The following SOX6 variants were observed in gnomAD, a reference collection of about 807,000 sequenced individuals.
SOX6 encodes SRY-box transcription factor 6, also known as transcription factor SOX-6.
A neutral mutation model predicts 97.8 loss-of-function variants in SOX6; 11 were observed. The observed-to-expected ratio is 0.11, with a 90% CI of 0.07 to 0.19. SOX6 has a LOEUF of 0.19. Ranked by LOEUF, SOX6 falls within the 10% of genes least tolerant of loss-of-function variation. The pLI is 1.00. For synonymous variants in SOX6, 360 were observed against 371.4 expected (o/e 0.97, Z 0.35); for missense variants, 810 against 1,039.5 (o/e 0.78, Z 3.04).
intron 3 of SOX6, among the ~76,000 whole-genome samples, chr11:16,246,935 G>A (rs954008925): frequency 2.0e-5 from 3 of 151,932 alleles, no homozygotes; most frequent in Non-Finnish European, 4.4e-5. Flanking sequence ...TATTCTTCTA[G>A]TTATTTTTAA....
intron 6 of SOX6, among the ~76,000 whole-genome samples, chr11:16,123,951 T>G (rs1441784628): frequency 6.6e-6 from 1 of 152,104 alleles, no homozygotes; most frequent in South Asian, 2.1e-4. Flanking sequence ...CATTGTACCA[T>G]GATGTTTCTC....
chr11:16,200,511 A>C (rs1851905551), intron 4 of SOX6, among the ~76,000 whole-genome samples: 1 of 152,216 alleles, frequency 6.6e-6, no homozygotes, highest in Non-Finnish European at 1.5e-5. Context: ...ACTTTCTAAA[A>C]ACAATGCATT....
intron 4 of SOX6, among the ~76,000 whole-genome samples, chr11:16,547,364 G>A (rs1010548252): frequency 6.6e-6 from 1 of 151,956 alleles, no homozygotes; most frequent in African/African-American, 2.4e-5. Flanking sequence ...ACCAACCTAG[G>A]TGTCCATCAA....
chr11:16,455,984 GCAA>G (rs1859803865), intron 1 of SOX6, among the ~76,000 whole-genome samples: 1 of 151,802 alleles, frequency 6.6e-6, no homozygotes, highest in African/African-American at 2.4e-5. Flanking sequence ...TAATGAATGG[GCAA>G]CTAAAAATAC....
intron 6 of SOX6, among the ~76,000 whole-genome samples, chr11:16,119,916 C>A (rs1219273463): frequency 2.0e-5 from 3 of 152,052 alleles, no homozygotes; most frequent in African/African-American, 7.2e-5. Context: ...ATACTAGAAT[C>A]CTAGCAAGAG....
chr11:16,250,353 G>A (rs1402322825), intron 3 of SOX6, among the ~76,000 whole-genome samples: 2 of 152,012 alleles, frequency 1.3e-5, no homozygotes, highest in Admixed American at 1.3e-4. Flanking sequence ...ATGAAAATAG[G>A]AAACCATAAG....
chr11:16,161,706 A>AT (rs1850754797), intron 6 of SOX6, among the ~76,000 whole-genome samples: 1 of 151,850 alleles, frequency 6.6e-6, no homozygotes, highest in South Asian at 2.1e-4. Context: ...AAGTTTTCTC[A>AT]TTTTTCTTTT....
At chr11:16,439,803 A>T (rs1859467792) in intron 1 of SOX6, among the ~76,000 whole-genome samples, 1 of 152,216 alleles carries the variant, frequency 6.6e-6, no homozygotes, top group South Asian at 2.1e-4. Flanking sequence ...TGTCCCAATA[A>T]TTCCTACACT....
upstream of SOX6, among the ~76,000 whole-genome samples, chr11:16,358,139 A>C (rs993619985): frequency 3.3e-5 from 5 of 152,130 alleles, no homozygotes; most frequent in African/African-American, 9.7e-5. Flanking sequence ...TTTACTCCCC[A>C]AAAAGGGCCA....
intron 3 of SOX6, among the ~76,000 whole-genome samples, chr11:16,269,031 T>C (rs913949030): frequency 3.3e-5 from 5 of 150,816 alleles, no homozygotes; most frequent in African/African-American, 1.2e-4. Flanking sequence ...TCTTGCAATA[T>C]ATTGCTTTTT....
chr11:16,457,141 C>A lies in SOX6; in HGVS notation c.-5+19174G>T, dbSNP rs147237485. Among the ~76,000 whole-genome samples, 30 of 152,050 alleles carry A rather than the reference C, an allele frequency of 2.0e-4. No homozygotes were observed. The East Asian group carries it at 4.8e-3, about 25-fold the overall frequency. The stretch of plus-strand genomic sequence containing the variant: ...TATGCTGCCTATAAATAGAAGCATT[C>A]CTGAAAAATATTGAATTGTGGTAGT... On this transcript the variant is annotated intron_variant, in intron 1 of 15. Transcript: ENST00000396356.
At chr11:16,306,624 T>C (rs906012463) in intron 3 of SOX6, among the ~76,000 whole-genome samples, 6 of 132,430 alleles carry the variant, frequency 4.5e-5, no homozygotes, top group African/African-American at 1.5e-4. Flanking sequence ...TTTTTTTTTT[T>C]TTCTTTTTTT....
intron 3 of SOX6, among the ~76,000 whole-genome samples, chr11:16,249,297 C>G (rs1416820915): frequency 6.6e-6 from 1 of 152,088 alleles, no homozygotes; most frequent in Non-Finnish European, 1.5e-5. Flanking sequence ...TATCTTAAAG[C>G]ATCATTCTCA....
intron 10 of SOX6, among the ~76,000 whole-genome samples, chr11:16,052,107 T>C (rs1260928256): frequency 1.3e-5 from 2 of 152,170 alleles, no homozygotes; most frequent in Non-Finnish European, 2.9e-5. Context: ...TGGAGTTTAT[T>C]ACATCTTTTT....
At chr11:16,021,007 C>T (rs891084225) in intron 12 of SOX6, among the ~76,000 whole-genome samples, 1 of 151,954 alleles carries the variant, frequency 6.6e-6, no homozygotes, top group African/African-American at 2.4e-5. Flanking sequence ...AGAAAAACAC[C>T]TTAAATATTT....
chr11:16,488,136 TA>T (rs1185784947), intron 4 of SOX6, among the ~76,000 whole-genome samples: 2 of 152,164 alleles, frequency 1.3e-5, no homozygotes, highest in African/African-American at 4.8e-5. Context: ...GCTAATTATC[TA>T]AGAGTCCCAA....
chr11:16,545,761 G>A (rs2133180875), intron 4 of SOX6, among the ~76,000 whole-genome samples: 1 of 152,186 alleles, frequency 6.6e-6, no homozygotes, highest in Middle Eastern at 3.4e-3. Flanking sequence ...AGACTACCCT[G>A]GGCAATATAA....
chr11:16,157,289 T>A (rs1265773190), intron 6 of SOX6, among the ~76,000 whole-genome samples: 4 of 152,038 alleles, frequency 2.6e-5, no homozygotes, highest in Non-Finnish European at 5.9e-5. Flanking sequence ...TCTCTACTTT[T>A]AGCCTCCTCT....
At chr11:16,101,781 A>G (rs986899274) in intron 7 of SOX6, among the ~76,000 whole-genome samples, 4 of 151,864 alleles carry the variant, frequency 2.6e-5, no homozygotes, top group African/African-American at 7.2e-5. Flanking sequence ...TAAAACTCAC[A>G]TGATCATCTC....
Sources: allele counts gnomAD v4.1 joint callset (sites outside exome capture counted in the v4.1 genomes callset), GRCh38; gene constraint gnomAD v4.1.1; transcripts MANE v1.5; gene names NCBI Gene and HGNC (gene_info 2026-07-23, HGNC 2026-07-21).